The following RAB8B variants were observed in gnomAD, a reference collection of about 807,000 sequenced individuals.
The protein encoded by RAB8B is RAB8B, member RAS oncogene family.
Under a neutral mutation model 32.0 loss-of-function variants are expected in RAB8B, and 11 were observed. The ratio of observed to expected loss-of-function variants is 0.34; its 90% CI spans 0.22 to 0.57. The LOEUF (loss-of-function observed/expected upper bound fraction) is 0.57, where lower values mean the gene tolerates loss of function less well. Among genes scored for constraint, RAB8B ranks in the 20% least tolerant of loss-of-function variants. The pLI is 0.86. For missense variants in RAB8B, 190 were observed against 258.5 expected (o/e 0.73, Z 1.82); for synonymous variants, 103 against 89.6 (o/e 1.15, Z -0.85).
chr15:63,198,604 TCTG>T, intron 1 of RAB8B, among the ~76,000 whole-genome samples: 1 of 152,190 alleles, frequency 6.6e-6, no homozygotes, highest in South Asian at 2.1e-4. Context: ...TGCACGGCCT[TCTG>T]CTGGCAAAGC....
chr15:63,194,115 G>T (rs1016440157), intron 1 of RAB8B, among the ~76,000 whole-genome samples: 2 of 151,792 alleles, frequency 1.3e-5, no homozygotes, highest in African/African-American at 4.8e-5. Context: ...TTCCTGAGTG[G>T]TTTCACTATT....
chr15:63,192,851 T>G (rs1323100026), intron 1 of RAB8B, among the ~76,000 whole-genome samples: 1 of 152,174 alleles, frequency 6.6e-6, no homozygotes, highest in African/African-American at 2.4e-5. Flanking sequence ...CCCAGCACTT[T>G]GGGAGACTGA....
chr15:63,218,349 C>T (rs192729986), intron 1 of RAB8B, among the ~76,000 whole-genome samples: 2 of 152,252 alleles, frequency 1.3e-5, no homozygotes, highest in East Asian at 3.9e-4. Flanking sequence ...TAAGTGGGTC[C>T]TTAAGAAGTG....
At chr15:63,204,033 A>G (rs1217355798) in intron 1 of RAB8B, among the ~76,000 whole-genome samples, 2 of 152,040 alleles carry the variant, frequency 1.3e-5, no homozygotes, top group East Asian at 1.9e-4. Context: ...GTGGTAAAGC[A>G]TTAATGAAGC....
chr15:63,255,660 G>T (rs3784673), intron 4 of RAB8B, 76 bp downstream of exon 4: 30 of 1,236,188 alleles, frequency 2.4e-5, no homozygotes, highest in South Asian at 8.8e-5. Context: ...CTGTCTGCAA[G>T]GCAGCTGAGC....
At chr15:63,209,083 G>A (rs996006072) in intron 1 of RAB8B, among the ~76,000 whole-genome samples, 2 of 151,740 alleles carry the variant, frequency 1.3e-5, no homozygotes, top group African/African-American at 4.8e-5. Flanking sequence ...TAGAGACAGA[G>A]TTTCGCCATG....
chr15:63,235,420 T>C (rs1236516204), intron 1 of RAB8B, among the ~76,000 whole-genome samples: 2 of 152,184 alleles, frequency 1.3e-5, no homozygotes, highest in Non-Finnish European at 2.9e-5. Context: ...TCCAGGTTAC[T>C]AATATTTGCT....
At chr15:63,222,292 T>A (rs2037850951) in intron 1 of RAB8B, among the ~76,000 whole-genome samples, 1 of 152,126 alleles carries the variant, frequency 6.6e-6, no homozygotes, top group Admixed American at 6.5e-5. Flanking sequence ...TGGTAGTGGC[T>A]CCCTGCTGTT....
intron 1 of RAB8B, among the ~76,000 whole-genome samples, chr15:63,190,863 G>T (rs1399493884): frequency 6.6e-6 from 1 of 152,120 alleles, no homozygotes; most frequent in Non-Finnish European, 1.5e-5. Flanking sequence ...TCTAATTATT[G>T]TTAAGTGAAT....
Position 63,263,546 on chromosome 15 carries a change from G to A in RAB8B, c.551G>A (p.Gly184Glu), listed in dbSNP as rs779363509. The A allele has an allele frequency of 1.9e-6, 3 of 1,611,754 alleles. No individual in the cohort carries two copies. The South Asian group carries it at 3.3e-5, about 18-fold the overall frequency. ...TTTTAGAATGACAGCAATTCAGCAG[G>A]AGCAGGTGGACCAGTGAAAATAACA... ...NRKMNDSNSA[G>E]AGGPVKITEN... Residue 184 changes from glycine (G) to glutamate (E), a missense_variant, in exon 8 of 8, where the codon GGA becomes GAA. Transcript: ENST00000321437.
At position 63,256,521 on chromosome 15, in the gene RAB8B, T is replaced by C. The variant is rs1360771961; in HGVS notation, c.341T>C (p.Val114Ala). 4 of 1,602,248 alleles carry C rather than the reference T, an allele frequency of 2.5e-6. No homozygotes were observed. In the Admixed American group the frequency reaches 5.2e-5, roughly 21 times the overall value. ...TCCCTGCAGCATGCCTCTTCCGATGTCGAAAGAATGATCCTGGGTAACAAA... is the reference window on the plus strand; with the variant it reads ...TCCCTGCAGCATGCCTCTTCCGATGCCGAAAGAATGATCCTGGGTAACAAA... ...RNIEEHASSDVERMILGNKCD... is the reference protein window; with the variant it reads ...RNIEEHASSDAERMILGNKCD... The change falls in exon 5 of 8, where the codon GTC becomes GCC. Residue 114 changes from valine (V) to alanine (A), a missense_variant. Physicochemically the swap from Val to Ala is moderately conservative, Grantham distance 64. Around this residue, in one of 2 missense-constraint regions of RAB8B, gnomAD observed 110 missense variants for 115.9 expected, o/e 0.95. Transcript: ENST00000321437.
rs550938525 is a variant in RAB8B, at chr15:63,224,360, A to T, written c.125-20396A>T. Among the ~76,000 whole-genome samples the T allele has an allele frequency of 3.9e-5, 6 of 152,296 alleles. No homozygotes were observed. In the East Asian group the frequency reaches 1.2e-3, roughly 29 times the overall value. On this transcript the variant is annotated intron_variant, in intron 1 of 7. Transcript: ENST00000321437. ...CCACTGATAATACCCCAGGTATCCAAACTTTTTTAGTTCTTCCTAGTCTTA... is the reference window on the plus strand; with the variant it reads ...CCACTGATAATACCCCAGGTATCCATACTTTTTTAGTTCTTCCTAGTCTTA...
At chr15:63,232,711 G>A (rs1375186060) in intron 1 of RAB8B, among the ~76,000 whole-genome samples, 1 of 151,894 alleles carries the variant, frequency 6.6e-6, no homozygotes, top group Non-Finnish European at 1.5e-5. Flanking sequence ...TTTTTTAAGG[G>A]CAAGTTATAT....
intron 2 of RAB8B, among the ~76,000 whole-genome samples, chr15:63,245,470 T>C (rs2038063639): frequency 6.6e-6 from 1 of 152,246 alleles, no homozygotes; most frequent in African/African-American, 2.4e-5. Context: ...GTCAGGGGGT[T>C]CCCCCCACCA....
chr15:63,236,665 GA>G (rs1286678030), intron 1 of RAB8B, among the ~76,000 whole-genome samples: 2 of 152,134 alleles, frequency 1.3e-5, no homozygotes, highest in African/African-American at 4.8e-5. Context: ...GGTTACATGA[GA>G]TATTTTGATA....
chr15:63,260,718 A>G (rs1013306785), intron 6 of RAB8B, among the ~76,000 whole-genome samples: 1 of 152,218 alleles, frequency 6.6e-6, no homozygotes, highest in Non-Finnish European at 1.5e-5. Flanking sequence ...CACCAAGGGA[A>G]CTGTTATTTT....
chr15:63,240,559 TCTTA>T (rs1264592739), intron 1 of RAB8B, among the ~76,000 whole-genome samples: 2 of 152,116 alleles, frequency 1.3e-5, no homozygotes, highest in African/African-American at 4.8e-5. Context: ...GTAGTGAAAT[TCTTA>T]CTTACTAAAA....
chr15:63,200,442 C>T (rs933454501), intron 1 of RAB8B, among the ~76,000 whole-genome samples: 1 of 152,174 alleles, frequency 6.6e-6, no homozygotes, highest in Non-Finnish European at 1.5e-5. Flanking sequence ...AAAAGTATTT[C>T]TTTGAGAAGA....
intron 1 of RAB8B, among the ~76,000 whole-genome samples, chr15:63,203,616 A>T (rs1250459325): frequency 1.3e-5 from 2 of 152,254 alleles, no homozygotes; most frequent in Non-Finnish European, 2.9e-5. Flanking sequence ...ATAAGAGCTA[A>T]CATTTATTGA....
Sources: gnomAD v4.1 joint callset for allele counts (sites outside exome capture counted in the v4.1 genomes callset) on GRCh38, gnomAD v4.1.1 for gene constraint, gnomAD v4.1.1 regional missense constraint, MANE v1.5 for transcripts, NCBI Gene and HGNC (gene_info 2026-07-23, HGNC 2026-07-21) for gene names.